AP1M1: variants seen among roughly 807,000 people sequenced by gnomAD.
AP1M1 encodes adaptor related protein complex 1 subunit mu 1.
A neutral mutation model predicts 57.1 loss-of-function variants in AP1M1; 18 were observed. That is an observed-to-expected ratio of 0.32 (90% CI 0.22 to 0.47). The LOEUF (loss-of-function observed/expected upper bound fraction) is 0.47, where lower values mean the gene tolerates loss of function less well. Ranked by LOEUF, AP1M1 falls within the 20% of genes least tolerant of loss-of-function variation. The pLI is 1.00. For missense variants in AP1M1, 362 were observed against 593.5 expected (o/e 0.61, Z 4.05); for synonymous variants, 241 against 237.9 (o/e 1.01, Z -0.12).
intron 1 of AP1M1, among the ~76,000 whole-genome samples, chr19:16,199,255 T>C (rs889134510): frequency 2.6e-5 from 4 of 151,842 alleles, no homozygotes; most frequent in Non-Finnish European, 5.9e-5. Flanking sequence ...TGAGAGAGGG[T>C]TTCCCTGAGG....
intron 2 of AP1M1, among the ~76,000 whole-genome samples, chr19:16,205,661 G>T (rs1364977734): frequency 1.3e-5 from 2 of 152,176 alleles, no homozygotes; most frequent in African/African-American, 4.8e-5. Context: ...TTCTCTGGCG[G>T]CCCGGGGACC....
In AP1M1 at chr19:16,234,516, G is replaced by A. The variant is rs917694915; in HGVS notation, c.*81G>A. Reference sequence around the variant, plus strand: ...ACACACCTGCCAAACCCACCAGATGGAGGGGCCCTCCCTGGTCTCTGGCCA... The same window carrying A: ...ACACACCTGCCAAACCCACCAGATGAAGGGGCCCTCCCTGGTCTCTGGCCA... On this transcript the variant is annotated 3_prime_UTR_variant, in exon 12 of 12. Transcript: ENST00000291439. 2.5e-6 allele frequency: 4 copies of A among 1,578,406 alleles called. No homozygotes were observed. The highest frequency in any genetic ancestry group is 2.7e-5 in the African/African-American group (2 of 73,894).
At chr19:16,202,411 C>A (rs2091452510) in intron 1 of AP1M1, among the ~76,000 whole-genome samples, 1 of 152,180 alleles carries the variant, frequency 6.6e-6, no homozygotes, top group South Asian at 2.1e-4. Context: ...ACATTAATAA[C>A]CTGCACTTAT....
chr19:16,209,850 G>T (rs1236365663), intron 5 of AP1M1, among the ~76,000 whole-genome samples: 6 of 151,972 alleles, frequency 3.9e-5, no homozygotes, highest in Non-Finnish European at 8.8e-5. Flanking sequence ...TTTTCTTTTG[G>T]TTTTTTAATT....
rs749767503 is a variant in AP1M1, at chr19:16,239,747, T to G, written c.*5312T>G. 6.6e-6 allele frequency: 1 copy of G among 151,952 alleles called. No homozygotes were observed. The highest frequency in any genetic ancestry group is 2.4e-5 in the African/African-American group (1 of 41,372). The allele number at this position is 151,952 out of a possible 1,614,324, so 9.4% of individuals were successfully genotyped here. A position where few individuals can be genotyped will look rare whatever the true frequency, so the allele number is the denominator to read the frequency against. On this transcript the variant is annotated 3_prime_UTR_variant, in exon 12 of 12. Coordinates refer to ENST00000291439, the MANE Select transcript of AP1M1 (RefSeq NM_032493.4). ...TCGCAGTGAGTCAAGATGGCACCGT[T>G]GTACTCTTGCCTGAGCGACACAGTG...
At chr19:16,226,946 C>T (rs2091573970) in intron 6 of AP1M1, among the ~76,000 whole-genome samples, 3 of 152,188 alleles carry the variant, frequency 2.0e-5, no homozygotes, top group Admixed American at 2.0e-4. Flanking sequence ...GCCGCCTGGC[C>T]TCTAACACTT....
intron 5 of AP1M1, among the ~76,000 whole-genome samples, chr19:16,223,909 C>T (rs1189928372): frequency 2.0e-5 from 3 of 152,212 alleles, no homozygotes; most frequent in African/African-American, 7.2e-5. Context: ...CTGGCCTCAT[C>T]CCTGCGGTGT....
At position 16,207,981 on chromosome 19, in the gene AP1M1, C is replaced by T. The variant is rs2091476461; in HGVS notation, c.268-38C>T. On this transcript the variant is annotated intron_variant, in intron 3 of 11. Transcript: ENST00000291439. The surrounding 1 kb of genome is among the most constrained non-coding windows in gnomAD (Gnocchi z 4.2). Reference sequence around the variant, plus strand: ...ATTCCTCATCCGTCCGCTCAATGATCTGCCTCCCATTCCTCCCTCCCTCCC... The same window carrying T: ...ATTCCTCATCCGTCCGCTCAATGATTTGCCTCCCATTCCTCCCTCCCTCCC... 4 of 1,593,212 alleles carry T rather than the reference C, an allele frequency of 2.5e-6. No individual in the cohort carries two copies. Among genetic ancestry groups the T allele is most frequent in the South Asian group, 1.1e-5 (1 of 88,016 alleles).
At chr19:16,209,266 A>G (rs2091483247) in intron 5 of AP1M1, 89 bp downstream of exon 5, 2 of 1,465,194 alleles carry the variant, frequency 1.4e-6, no homozygotes, top group Admixed American at 3.8e-5. Context: ...CAAAGCCCCG[A>G]GAGCCGTTCT....
chr19:16,227,721 G>A lies in AP1M1; in HGVS notation c.816+31G>A, dbSNP rs2124904. On this transcript the variant is annotated intron_variant, in intron 7 of 11. Transcript: ENST00000291439. The surrounding 1 kb of genome is among the most constrained non-coding windows in gnomAD (Gnocchi z 6.2). ...TGCGCCACCCTGGGGCTGGGCTGTC[G>A]GCAGACTCCTCCTCCCCTTCACCTC... 0.76 allele frequency: 1,220,395 copies of A among 1,603,778 alleles called. 472,585 individuals are homozygous for A. The highest frequency in any genetic ancestry group is 0.8 in the Non-Finnish European group (941,499 of 1,173,140).
rs1255142194 is a variant in AP1M1 at position 16,243,728 on chromosome 19, G to A, written c.*9293G>A. The A allele has an allele frequency of 6.6e-6, 1 of 152,056 alleles. No individual in the cohort carries two copies. The highest frequency in any genetic ancestry group is 6.6e-5 in the Admixed American group (1 of 15,248). The allele number at this position is 152,056 out of a possible 1,614,324, so 9.4% of individuals were successfully genotyped here. A position where few individuals can be genotyped will look rare whatever the true frequency, so the allele number is the denominator to read the frequency against. On this transcript the variant is annotated 3_prime_UTR_variant, in exon 12 of 12. Coordinates refer to ENST00000291439, the MANE Select transcript of AP1M1 (RefSeq NM_032493.4). ...AGGCTGAAGCAGGTGAATCACTTGA[G>A]CTCAGGAGTTCGAGACCAGCCTGGC...
Position 16,203,587 on chromosome 19 carries a change from C to T in AP1M1, c.171C>T (p.Phe57=), listed in dbSNP as rs2091457890. 6.2e-7 allele frequency: 1 copy of T among 1,613,212 alleles called. No individual in the cohort carries two copies. Among genetic ancestry groups the T allele is most frequent in the Admixed American group, 1.7e-5 (1 of 59,880 alleles). The part of the protein sequence containing the change: ...SPILAHGGVR[F]MWIKHNNLYL... ...TCCTGGCCCACGGGGGGGTCCGTTT[C>T]ATGTGGATCAAACACAACAACCTGT... Residue 57 remains phenylalanine (F), a synonymous_variant, in exon 2 of 12, where the codon TTC becomes TTT. Transcript: ENST00000291439. The surrounding 1 kb of genome is among the most constrained non-coding windows in gnomAD (Gnocchi z 4.6).
At chr19:16,213,107 A>G (rs2091502238) in intron 5 of AP1M1, among the ~76,000 whole-genome samples, 1 of 152,162 alleles carries the variant, frequency 6.6e-6, no homozygotes, top group Non-Finnish European at 1.5e-5. Flanking sequence ...TATCAGGTCC[A>G]GTTGATCCAG....
Position 16,209,030 on chromosome 19 carries a change from G to A in AP1M1, c.399G>A (p.Glu133=), listed in dbSNP as rs138053047. Residue 133 remains glutamate, a splice_region_variant and synonymous_variant, in exon 5 of 12, where the codon GAG becomes GAA. Coordinates refer to ENST00000291439, the MANE Select transcript of AP1M1 (RefSeq NM_032493.4). Reference sequence around the variant, plus strand: ...TCACTCTGAGCGTGTGGCCCCACAGGTACATCACTCAGGAAGGCCACAAGC... The same window carrying A: ...TCACTCTGAGCGTGTGGCCCCACAGATACATCACTCAGGAAGGCCACAAGC... ...PQTTDSKILQ[E]YITQEGHKLE... 8 of 1,613,436 alleles carry A rather than the reference G, an allele frequency of 5.0e-6. No homozygotes were observed. Among genetic ancestry groups the A allele is most frequent in the Non-Finnish European group, 6.8e-6 (8 of 1,179,658 alleles).
chr19:16,203,505 T>A lies in AP1M1; in HGVS notation c.89T>A (p.Val30Glu). 2 of 1,614,080 alleles carry A rather than the reference T, an allele frequency of 1.2e-6. No homozygotes were observed. Among genetic ancestry groups the A allele is most frequent in the South Asian group, 2.2e-5 (2 of 91,082 alleles). ...CGTGGCGACGTGGACATGTCAGAGG[T>A]GGAGCACTTCATGCCCATCCTGATG... ...NYRGDVDMSE[V>E]EHFMPILMEK... The change falls in exon 2 of 12, where the codon GTG becomes GAG. Residue 30 changes from valine (V) to glutamate (E), a missense_variant. Physicochemically the swap from Val to Glu is moderately radical, Grantham distance 121. This residue lies in a region of AP1M1 where 337 missense variants were observed against 511.1 expected (regional missense o/e 0.66). Transcript: ENST00000291439. The surrounding 1 kb of genome is among the most constrained non-coding windows in gnomAD (Gnocchi z 4.6).
Position 16,209,016 on chromosome 19 carries a change from G to A in AP1M1, c.399-14G>A, listed in dbSNP as rs201575263. On this transcript the variant is annotated splice_polypyrimidine_tract_variant and intron_variant, in intron 4 of 11. Transcript: ENST00000291439. ...GGGTACCACCTCCTTCACTCTGAGCGTGTGGCCCCACAGGTACATCACTCA... is the reference window on the plus strand; with the variant it reads ...GGGTACCACCTCCTTCACTCTGAGCATGTGGCCCCACAGGTACATCACTCA... 1.1e-3 allele frequency: 1,822 copies of A among 1,611,356 alleles called. 6 individuals carry two copies. Among genetic ancestry groups the A allele is most frequent in the Middle Eastern group, 5.9e-3 (35 of 5,958 alleles).
chr19:16,219,848 T>A (rs2091535785), intron 5 of AP1M1, among the ~76,000 whole-genome samples: 1 of 152,256 alleles, frequency 6.6e-6, no homozygotes, highest in Non-Finnish European at 1.5e-5. Context: ...ACTTTTGACA[T>A]CATGTCAGGG....
intron 5 of AP1M1, among the ~76,000 whole-genome samples, chr19:16,212,331 G>T (rs1374826039): frequency 6.6e-6 from 1 of 152,188 alleles, no homozygotes; most frequent in African/African-American, 2.4e-5. Flanking sequence ...CATCTTGGAA[G>T]GGTATATGTG....
chr19:16,200,677 C>A (rs1233633591), intron 1 of AP1M1, among the ~76,000 whole-genome samples: 1 of 152,212 alleles, frequency 6.6e-6, no homozygotes, highest in Non-Finnish European at 1.5e-5. Context: ...ACCAGCGTGG[C>A]CACACTGGGC....
Sources: allele counts gnomAD v4.1 joint callset (sites outside exome capture counted in the v4.1 genomes callset), GRCh38; gene constraint gnomAD v4.1.1; regional missense constraint gnomAD v4.1.1; non-coding constraint Gnocchi (gnomAD v3.1); transcripts MANE v1.5; gene names NCBI Gene and HGNC (gene_info 2026-07-23, HGNC 2026-07-21).